ADAM11: variants seen among roughly 807,000 people sequenced by gnomAD.
The protein encoded by ADAM11 is disintegrin and metalloproteinase domain-containing protein 11.
Under a neutral mutation model 119.1 loss-of-function variants are expected in ADAM11, and 49 were observed. That is an observed-to-expected ratio of 0.41 (90% CI 0.33 to 0.52). The LOEUF is 0.52. Among genes scored for constraint, ADAM11 ranks in the 20% least tolerant of loss-of-function variants. The pLI is 0.20. For synonymous variants in ADAM11, 364 were observed against 408.0 expected (o/e 0.89, Z 1.30); for missense variants, 777 against 1,047.5 (o/e 0.74, Z 3.56).
At chr17:44,779,284 A>G (rs1170213929) in intron 26 of ADAM11, 45 bp downstream of exon 26, 1 of 1,552,460 alleles carries the variant, frequency 6.4e-7, no homozygotes, top group Non-Finnish European at 8.6e-7. Flanking sequence ...CGGCCACGTC[A>G]TCCCTCCCGC....
In ADAM11 at chr17:44,777,043, A is replaced by G; in HGVS notation, c.1681+81A>G. On this transcript the variant is annotated intron_variant, in intron 20 of 26. Coordinates refer to ENST00000200557, the MANE Select transcript of ADAM11 (RefSeq NM_002390.6). This position sits in a 1 kb window ranked among gnomAD's most constrained non-coding sequence, Gnocchi z 5.1. ...TGGGGAGAGTGGGTTCCAGCTGAAC[A>G]GGCCCCCAAGTGTGTAGCTCCCCAG... 6.4e-7 allele frequency: 1 copy of G among 1,557,058 alleles called. No individual in the cohort carries two copies. The highest frequency in any genetic ancestry group is 8.7e-7 in the Non-Finnish European group (1 of 1,144,112).
In ADAM11 at chr17:44,777,396, C is replaced by T; in HGVS notation, c.1782-86C>T. The T allele has an allele frequency of 2.6e-6, 4 of 1,532,522 alleles. No individual in the cohort carries two copies. Among genetic ancestry groups the T allele is most frequent in the Non-Finnish European group, 1.8e-6 (2 of 1,113,222 alleles). The allele number at this position is 1,532,522 out of a possible 1,614,324, so 94.9% of individuals were successfully genotyped here. A position where few individuals can be genotyped will look rare whatever the true frequency, so the allele number is the denominator to read the frequency against. ...GGCGGGCACGTGGCAAATGAGGTGG[C>T]AGGGTGCAGGGTGAGGGCAGATTAG... On this transcript the variant is annotated intron_variant, in intron 21 of 26. Transcript: ENST00000200557. This position sits in a 1 kb window ranked among gnomAD's most constrained non-coding sequence, Gnocchi z 5.1.
rs1039350327 is a variant in ADAM11, at chr17:44,772,543, G to T, written c.678+77G>T. 1.3e-6 allele frequency: 2 copies of T among 1,495,320 alleles called. No individual in the cohort carries two copies. Among genetic ancestry groups the T allele is most frequent in the Admixed American group, 2.1e-5 (1 of 48,290 alleles). 92.6% of individuals were successfully genotyped at this position (1,495,320 alleles called of 1,614,324 possible). A position where few individuals can be genotyped will look rare whatever the true frequency, so the allele number is the denominator to read the frequency against. On this transcript the variant is annotated intron_variant, in intron 8 of 26. Transcript: ENST00000200557. This position sits in a 1 kb window ranked among gnomAD's most constrained non-coding sequence, Gnocchi z 4.5. The stretch of plus-strand genomic sequence containing the variant: ...GACCTCAGGCCGTGGCCCAGAGCAG[G>T]AGGGCACCCTCATCTATGGCTGGGG...
At chr17:44,779,630 G>C (rs1338962398) in intron 26 of ADAM11, 109 bp from the exon 27 acceptor site, 2 of 1,500,372 alleles carry the variant, frequency 1.3e-6, no homozygotes, top group South Asian at 2.7e-5. Context: ...GCCAGCCTGT[G>C]ACTTGCCGCC....
In ADAM11 at chr17:44,772,393, C is replaced by G; in HGVS notation, c.611-6C>G. 2 of 1,578,814 alleles carry G rather than the reference C, an allele frequency of 1.3e-6. No homozygotes were observed. Among genetic ancestry groups the G allele is most frequent in the Non-Finnish European group, 1.7e-6 (2 of 1,161,424 alleles). On this transcript the variant is annotated splice_polypyrimidine_tract_variant and splice_region_variant and intron_variant, in intron 7 of 26. Transcript: ENST00000200557. This position sits in a 1 kb window ranked among gnomAD's most constrained non-coding sequence, Gnocchi z 4.5. The stretch of plus-strand genomic sequence containing the variant: ...CTGTGCCCCCCTCACCTGCCCCTCC[C>G]CACAGGCTGCCTGTTTGCTGTGCCT...
Position 44,769,785 on chromosome 17 carries a change from A to C in ADAM11, c.305A>C (p.Glu102Ala). ...AFNSNFTLDL[E>A]LNHHLLSSQY... is the part of the protein sequence containing the mutation. ...AACTCAAACTTCACCCTGGACCTGG[A>C]GCTGAACCAGTGAGTGTGGCCTTGA... Residue 102 changes from glutamate to alanine, a missense_variant, in exon 3 of 27, where the codon GAG becomes GCG. This residue lies in a region of ADAM11 where 278 missense variants were observed against 310.1 expected (regional missense o/e 0.90). Coordinates refer to ENST00000200557, the MANE Select transcript of ADAM11 (RefSeq NM_002390.6). The C allele has an allele frequency of 6.2e-7, 1 of 1,613,886 alleles. No individual in the cohort carries two copies. Among genetic ancestry groups the C allele is most frequent in the South Asian group, 1.1e-5 (1 of 91,070 alleles).
intron 4 of ADAM11, 130 bp from the exon 5 acceptor site, chr17:44,771,454 G>C (rs1051583542): frequency 1.1e-6 from 1 of 931,630 alleles, no homozygotes; most frequent in Non-Finnish European, 1.7e-6. Flanking sequence ...AGGCTCCAGA[G>C]CCCCAGGCAT....
At position 44,777,926 on chromosome 17, in the gene ADAM11, C is replaced by T; in HGVS notation, c.2071-26C>T. The T allele has an allele frequency of 6.2e-7, 1 of 1,613,770 alleles. No individual in the cohort carries two copies. The highest frequency in any genetic ancestry group is 2.2e-5 in the East Asian group (1 of 44,888). The stretch of plus-strand genomic sequence containing the variant: ...CAAGAGGGGACAGGCCCCTGCTCAC[C>T]TCTCCTGGCCCTGCCCTGCCTCTAG... On this transcript the variant is annotated intron_variant, in intron 23 of 26. Coordinates refer to ENST00000200557, the MANE Select transcript of ADAM11 (RefSeq NM_002390.6). This position sits in a 1 kb window ranked among gnomAD's most constrained non-coding sequence, Gnocchi z 5.1.
rs975621130 is a variant in ADAM11 at position 44,761,750 on chromosome 17, G to T, written c.237+1853G>T. ...GGTACCAAAGCTGTGGACTTCTATG[G>T]GCCACTCTGCCAAGCTTTGTATGCA... On this transcript the variant is annotated intron_variant, in intron 2 of 26. Transcript: ENST00000200557. Among the ~76,000 whole-genome samples, 5 of 152,168 alleles carry T rather than the reference G, an allele frequency of 3.3e-5. No homozygotes were observed. In the East Asian group the frequency reaches 9.6e-4, roughly 29 times the overall value.
Position 44,772,938 on chromosome 17 carries a change from GC to G in ADAM11, c.753+9del. On this transcript the variant is annotated splice_region_variant and intron_variant, in intron 9 of 26. Coordinates refer to ENST00000200557, the MANE Select transcript of ADAM11 (RefSeq NM_002390.6). The surrounding 1 kb of genome is among the most constrained non-coding windows in gnomAD (Gnocchi z 4.5). ...GATCAACGACCACCAGCTGGTGAGT[GC>G]CAGGGCAGGGACAGGGCGTGACACT... 1 of 1,614,126 alleles carries G rather than the reference GC, an allele frequency of 6.2e-7. No individual in the cohort carries two copies. The highest frequency in any genetic ancestry group is 8.5e-7 in the Non-Finnish European group (1 of 1,180,014).
At position 44,776,271 on chromosome 17, in the gene ADAM11, G is replaced by T; in HGVS notation, c.1566+64G>T. The T allele has an allele frequency of 6.3e-7, 1 of 1,583,330 alleles. No homozygotes were observed. Among genetic ancestry groups the T allele is most frequent in the South Asian group, 1.1e-5 (1 of 89,784 alleles). Reference sequence around the variant, plus strand: ...GGCAACCCCTACCCTTGTCGATTTGGTTTTCCCGGACGAGTGCTCAGCACT... The same window carrying T: ...GGCAACCCCTACCCTTGTCGATTTGTTTTTCCCGGACGAGTGCTCAGCACT... On this transcript the variant is annotated intron_variant, in intron 18 of 26. Transcript: ENST00000200557. The surrounding 1 kb of genome is among the most constrained non-coding windows in gnomAD (Gnocchi z 5.2).
At chr17:44,766,013 C>T (rs1324294423) in intron 2 of ADAM11, among the ~76,000 whole-genome samples, 1 of 152,168 alleles carries the variant, frequency 6.6e-6, no homozygotes, top group Non-Finnish European at 1.5e-5. Context: ...GAGTGTTGAG[C>T]TCGTGGGCAG....
rs767388011 is a variant in ADAM11 at position 44,776,944 on chromosome 17, C to G, written c.1663C>G (p.Gln555Glu). 5.0e-6 allele frequency: 8 copies of G among 1,612,838 alleles called. No individual in the cohort carries two copies. In the South Asian group the frequency reaches 8.8e-5, roughly 18 times the overall value. Residue 555 changes from glutamine to glutamate, a missense_variant, in exon 20 of 27, where the codon CAG (glutamine) becomes GAG (glutamate). Around this residue, in one of 4 missense-constraint regions of ADAM11, gnomAD observed 348 missense variants for 486.7 expected, o/e 0.72. Transcript: ENST00000200557. The surrounding 1 kb of genome is among the most constrained non-coding windows in gnomAD (Gnocchi z 5.2). Reference sequence around the variant, plus strand: ...CTGCAAAACCCGGGACCGGCAGTGCCAGGTTCTTTGGGGCCATGGTGAGTC... The same window carrying G: ...CTGCAAAACCCGGGACCGGCAGTGCGAGGTTCTTTGGGGCCATGGTGAGTC... ...GRCKTRDRQC[Q>E]VLWGHAAADR...
intron 2 of ADAM11, among the ~76,000 whole-genome samples, chr17:44,761,016 G>A (rs2049382302): frequency 7.4e-6 from 1 of 134,994 alleles, no homozygotes; most frequent in Admixed American, 7.5e-5. Flanking sequence ...TCCAAGGCCC[G>A]CAGTCACTGG....
rs4793149 is a variant in ADAM11, at chr17:44,773,803, A to G, written c.992+376A>G. Among the ~76,000 whole-genome samples, 92,023 of 152,100 alleles carry G rather than the reference A, an allele frequency of 0.61. 28,362 individuals are homozygous for G. The highest frequency in any genetic ancestry group is 0.77 in the East Asian group (3,989 of 5,148). Reference sequence around the variant, plus strand: ...TCTCCTTTGCCTTATGGGCAAAAGAACCCAAGGAGGGGCCAGGCGTGGTGG... The same window carrying G: ...TCTCCTTTGCCTTATGGGCAAAAGAGCCCAAGGAGGGGCCAGGCGTGGTGG... On this transcript the variant is annotated intron_variant, in intron 11 of 26. Transcript: ENST00000200557. The surrounding 1 kb of genome is among the most constrained non-coding windows in gnomAD (Gnocchi z 4.6).
At position 44,776,888 on chromosome 17, in the gene ADAM11, T is replaced by G. The variant is rs749873005; in HGVS notation, c.1618-11T>G. 6.2e-7 allele frequency: 1 copy of G among 1,613,582 alleles called. No homozygotes were observed. The highest frequency in any genetic ancestry group is 2.2e-5 in the East Asian group (1 of 44,852). ...TCTCCATCCCTTGCCTCTTAATTCT[T>G]GGACTCTCAGGGCCGCTGCTACGGA... On this transcript the variant is annotated splice_polypyrimidine_tract_variant and intron_variant, in intron 19 of 26. Coordinates refer to ENST00000200557, the MANE Select transcript of ADAM11 (RefSeq NM_002390.6). The surrounding 1 kb of genome is among the most constrained non-coding windows in gnomAD (Gnocchi z 5.2).
At chr17:44,767,575 T>C (rs1270510403) in intron 2 of ADAM11, among the ~76,000 whole-genome samples, 2 of 152,042 alleles carry the variant, frequency 1.3e-5, no homozygotes, top group Non-Finnish European at 2.9e-5. Context: ...CACCCCTTGG[T>C]ATGTGGTCTC....
At chr17:44,765,894 C>T (rs538307010) in intron 2 of ADAM11, among the ~76,000 whole-genome samples, 4 of 152,282 alleles carry the variant, frequency 2.6e-5, no homozygotes, top group Non-Finnish European at 4.4e-5. Flanking sequence ...GGATTACAGG[C>T]GTAAGCCACT....
intron 2 of ADAM11, among the ~76,000 whole-genome samples, chr17:44,764,220 T>C (rs2049421652): frequency 6.6e-6 from 1 of 152,132 alleles, no homozygotes; most frequent in Non-Finnish European, 1.5e-5. Context: ...GCTAAGCTCT[T>C]GTGAGAGATG....
Sources: gnomAD v4.1 joint callset for allele counts (sites outside exome capture counted in the v4.1 genomes callset) on GRCh38, gnomAD v4.1.1 for gene constraint, gnomAD v4.1.1 regional missense constraint, Gnocchi (gnomAD v3.1) non-coding constraint, MANE v1.5 for transcripts, NCBI Gene and HGNC (gene_info 2026-07-23, HGNC 2026-07-21) for gene names.